The following SLC25A21 variants were observed in gnomAD, a reference collection of about 807,000 sequenced individuals.
SLC25A21 encodes the protein solute carrier family 25 member 21, also known as mitochondrial 2-oxodicarboxylate carrier.
SLC25A21 carries 47 observed loss-of-function variants against 43.8 expected under a neutral mutation model. That is an observed-to-expected ratio of 1.07 (90% confidence interval 0.85 to 1.37). The LOEUF is 1.37. SLC25A21 is among the 40% of genes most tolerant of loss of function. The pLI is 0.00. For missense variants in SLC25A21, 352 were observed against 350.2 expected (o/e 1.00, Z -0.04); for synonymous variants, 131 against 121.3 (o/e 1.08, Z -0.52).
chr14:37,136,087 T>C (rs1477980516), intron 1 of SLC25A21, among the ~76,000 whole-genome samples: 2 of 152,200 alleles, frequency 1.3e-5, no homozygotes, highest in African/African-American at 4.8e-5. Context: ...AGGTTTGGAA[T>C]GATACCTAGC....
In SLC25A21 at chr14:37,075,432, T is replaced by G. The variant is rs185257848; in HGVS notation, c.70+96849A>C. Among the ~76,000 whole-genome samples the G allele has an allele frequency of 2.6e-5, 4 of 152,284 alleles. No homozygotes were observed. The East Asian group carries it at 7.7e-4, about 29-fold the overall frequency. On this transcript the variant is annotated intron_variant, in intron 1 of 9. Coordinates refer to ENST00000331299, the MANE Select transcript of SLC25A21 (RefSeq NM_030631.4). ...AGACAATTTTTCACTTAAATTAATT[T>G]TAAAAGGTCACAATTGTATTGGTAC...
At chr14:36,838,760 A>G (rs1889291601) in intron 2 of SLC25A21, among the ~76,000 whole-genome samples, 1 of 152,228 alleles carries the variant, frequency 6.6e-6, no homozygotes, top group Non-Finnish European at 1.5e-5. Flanking sequence ...GTAACGTGAA[A>G]TGATGCTTCC....
At chr14:36,872,298 T>C (rs147322172) in intron 2 of SLC25A21, among the ~76,000 whole-genome samples, 12 of 152,312 alleles carry the variant, frequency 7.9e-5, no homozygotes, top group Non-Finnish European at 1.6e-4. Flanking sequence ...CCTAATCTTT[T>C]TCTTGCTGAA....
At chr14:36,986,023 C>T (rs1444629831) in intron 1 of SLC25A21, among the ~76,000 whole-genome samples, 1 of 152,126 alleles carries the variant, frequency 6.6e-6, no homozygotes, top group African/African-American at 2.4e-5. Context: ...TCTGCCCCAA[C>T]TCTGAAATCA....
chr14:36,729,830 A>G (rs80055959), intron 4 of SLC25A21, among the ~76,000 whole-genome samples: 2,013 of 152,310 alleles, frequency 0.013, 31 homozygotes, highest in African/African-American at 0.045. Context: ...ACTTCCATTT[A>G]CCATGACCAT....
In SLC25A21 at chr14:37,114,772, A is replaced by G. The variant is rs1258359133; in HGVS notation, c.70+57509T>C. 3.3e-5 allele frequency among the ~76,000 whole-genome samples: 5 copies of G among 149,688 alleles called. No individual in the cohort carries two copies. The East Asian group carries it at 1.0e-3, about 30-fold the overall frequency. ...ACTCTTCTGCAAACCAGTGGTGCAG[A>G]GAGTCATTTTTATGGCGGGGGGGGA... On this transcript the variant is annotated intron_variant, in intron 1 of 9. Coordinates refer to ENST00000331299, the MANE Select transcript of SLC25A21 (RefSeq NM_030631.4).
At chr14:36,888,115 T>G (rs189223119) in intron 1 of SLC25A21, among the ~76,000 whole-genome samples, 2 of 152,314 alleles carry the variant, frequency 1.3e-5, no homozygotes, top group African/African-American at 4.8e-5. Context: ...GAGGCAATTG[T>G]GAAACACTTA....
intron 1 of SLC25A21, among the ~76,000 whole-genome samples, chr14:37,060,149 G>A (rs1234017851): frequency 1.3e-5 from 2 of 151,732 alleles, no homozygotes; most frequent in Non-Finnish European, 2.9e-5. Flanking sequence ...GGTAATTTAG[G>A]TAATGCAGGG....
chr14:36,823,064 AAG>A (rs1888693265), intron 2 of SLC25A21, among the ~76,000 whole-genome samples: 1 of 152,204 alleles, frequency 6.6e-6, no homozygotes, highest in Non-Finnish European at 1.5e-5. Context: ...GAATTGTGAT[AAG>A]AGAGTTTATT....
chr14:36,773,599 T>C (rs538178879), intron 3 of SLC25A21, among the ~76,000 whole-genome samples: 29 of 152,204 alleles, frequency 1.9e-4, no homozygotes, highest in Non-Finnish European at 4.0e-4. Context: ...TCTTGTTGTG[T>C]TGACAAAAAG....
intron 1 of SLC25A21, among the ~76,000 whole-genome samples, chr14:37,093,150 A>C (rs188816072): frequency 8.3e-4 from 126 of 152,328 alleles, no homozygotes; most frequent in African/African-American, 2.7e-3. Flanking sequence ...CTGCTATCAT[A>C]TTGCTGCCCA....
intron 3 of SLC25A21, among the ~76,000 whole-genome samples, chr14:36,751,246 T>C (rs547120978): frequency 1.3e-5 from 2 of 152,340 alleles, no homozygotes; most frequent in African/African-American, 4.8e-5. Context: ...AGGATACTTC[T>C]CTCTCATTCT....
chr14:36,850,094 C>CAT (rs1411384689), intron 2 of SLC25A21, among the ~76,000 whole-genome samples: 1 of 151,962 alleles, frequency 6.6e-6, no homozygotes, highest in Non-Finnish European at 1.5e-5. Context: ...GGATGGGGTG[C>CAT]ATATAGTAGC....
At chr14:36,827,082 T>C (rs1407698267) in intron 2 of SLC25A21, among the ~76,000 whole-genome samples, 1 of 152,244 alleles carries the variant, frequency 6.6e-6, no homozygotes, top group Non-Finnish European at 1.5e-5. Context: ...GTTTTGTGGA[T>C]TGTGTTTCTG....
Position 37,118,354 on chromosome 14 carries a change from C to A in SLC25A21, c.70+53927G>T, listed in dbSNP as rs562857243. 7.2e-5 allele frequency among the ~76,000 whole-genome samples: 11 copies of A among 151,920 alleles called. No homozygotes were observed. In the South Asian group the frequency reaches 2.1e-3, roughly 29 times the overall value. ...CATTTTCCACAGCTCTGTGATTGTA[C>A]CCCCAAACAATCAGCAGCTCCCATT... On this transcript the variant is annotated intron_variant, in intron 1 of 9. Transcript: ENST00000331299.
chr14:36,941,430 A>C (rs1892554511), intron 1 of SLC25A21, among the ~76,000 whole-genome samples: 1 of 152,076 alleles, frequency 6.6e-6, no homozygotes, highest in Non-Finnish European at 1.5e-5. Flanking sequence ...TTTAATTTAC[A>C]TTATCAAGAA....
chr14:36,754,510 CTTTA>C (rs1881084831), intron 3 of SLC25A21, among the ~76,000 whole-genome samples: 1 of 152,142 alleles, frequency 6.6e-6, no homozygotes, highest in Admixed American at 6.5e-5. Flanking sequence ...TTGATTTCAT[CTTTA>C]TTTACAGATG....
chr14:36,995,141 A>T (rs1960344628), intron 1 of SLC25A21, among the ~76,000 whole-genome samples: 1 of 152,088 alleles, frequency 6.6e-6, no homozygotes. Context: ...TGTGTTGTTG[A>T]AGTGGTGCTG....
At chr14:36,781,810 C>T (rs1052233053) in intron 3 of SLC25A21, among the ~76,000 whole-genome samples, 1 of 152,122 alleles carries the variant, frequency 6.6e-6, no homozygotes, top group Admixed American at 6.5e-5. Flanking sequence ...CTGAATTTGA[C>T]TATATATTTA....
Sources: allele counts gnomAD v4.1 joint callset (sites outside exome capture counted in the v4.1 genomes callset), GRCh38; gene constraint gnomAD v4.1.1; transcripts MANE v1.5; gene names NCBI Gene and HGNC (gene_info 2026-07-23, HGNC 2026-07-21).